Variants in HMGN1 observed in about 807,000 individuals in gnomAD.
HMGN1 encodes high mobility group nucleosome binding domain 1, also known as non-histone chromosomal protein HMG-14.
A neutral mutation model predicts 18.4 loss-of-function variants in HMGN1; 9 were observed. That is an observed-to-expected ratio of 0.49 (90% CI 0.29 to 0.85). The LOEUF (loss-of-function observed/expected upper bound fraction) is 0.85. Among genes scored for constraint, HMGN1 ranks in the 40% least tolerant of loss-of-function variants. The pLI, the probability that HMGN1 is intolerant of heterozygous loss-of-function variation, is 0.07. For synonymous variants in HMGN1, 59 were observed against 45.0 expected, an observed-to-expected ratio of 1.31 and a Z score of -1.24; for missense variants, 151 against 119.2, an observed-to-expected ratio of 1.27 and a Z score of -1.24.
chr21:39,342,879 T>C lies in HMGN1; in HGVS notation c.*233A>G, dbSNP rs1158185202. Reference sequence around the variant, plus strand: ...ACAGTCAGAGCCTCCCATAATTCAATATCCCACACTATTTTCTGGTTGTAC... The same window carrying C: ...ACAGTCAGAGCCTCCCATAATTCAACATCCCACACTATTTTCTGGTTGTAC... On this transcript the variant is annotated 3_prime_UTR_variant, in exon 6 of 6. Transcript: ENST00000380749. 2 of 1,408,206 alleles carry C rather than the reference T, an allele frequency of 1.4e-6. No homozygotes were observed. Among genetic ancestry groups the C allele is most frequent in the Non-Finnish European group, 1.9e-6 (2 of 1,045,964 alleles). The allele number at this position is 1,408,206 out of a possible 1,614,324, so 87.2% of individuals were successfully genotyped here. A position where few individuals can be genotyped will look rare whatever the true frequency, so the allele number is the denominator to read the frequency against.
rs1351368913 is a variant in HMGN1 at position 39,348,051 on chromosome 21, T to C, written c.126+241A>G. The C allele has an allele frequency of 6.8e-6, 7 of 1,032,116 alleles. 1 individual carries two copies. Among genetic ancestry groups the C allele is most frequent in the African/African-American group, 3.3e-5 (2 of 60,424 alleles). The allele number at this position is 1,032,116 out of a possible 1,614,324, so 63.9% of individuals were successfully genotyped here. A position where few individuals can be genotyped will look rare whatever the true frequency, so the allele number is the denominator to read the frequency against. ...GAATAAATTTCCTTTGTAGACTTAA[T>C]ATTTAATATTTTTTGTCGTCCTAAG... On this transcript the variant is annotated intron_variant, in intron 4 of 5. Coordinates refer to ENST00000380749, the MANE Select transcript of HMGN1 (RefSeq NM_004965.7).
At chr21:39,346,016 T>C in intron 4 of HMGN1, 1 of 1,106,538 alleles carries the variant, frequency 9.0e-7, no homozygotes, top group Non-Finnish European at 1.2e-6. Flanking sequence ...GTTCAAAATT[T>C]AAGCCATGTT....
Position 39,348,582 on chromosome 21 carries a change from G to A in HMGN1, c.16-5C>T. On this transcript the variant is annotated splice_region_variant and splice_polypyrimidine_tract_variant and intron_variant, in intron 1 of 5. Transcript: ENST00000380749. ...GGCGCCTTCGGCGGAGCTGACCTGC[G>A]GAGACGGAGACGCACGAATAGAGGC... 1 of 1,597,640 alleles carries A rather than the reference G, an allele frequency of 6.3e-7. No homozygotes were observed. The highest frequency in any genetic ancestry group is 8.5e-7 in the Non-Finnish European group (1 of 1,173,118).
rs764024776 is a variant in HMGN1, at chr21:39,342,962, A to G, written c.*150T>C. ...TCTTAAAAAAAAGCATTTACACTTA[A>G]AAAATGGGATGAGGTGGGATTCCCT... On this transcript the variant is annotated 3_prime_UTR_variant, in exon 6 of 6. Coordinates refer to ENST00000380749, the MANE Select transcript of HMGN1 (RefSeq NM_004965.7). The G allele has an allele frequency of 1.4e-5, 18 of 1,270,988 alleles. No homozygotes were observed. The East Asian group carries it at 4.1e-4, about 29-fold the overall frequency. The allele number at this position is 1,270,988 out of a possible 1,614,324, so 78.7% of individuals were successfully genotyped here.
At chr21:39,347,397 A>T in intron 4 of HMGN1, 1 of 1,227,788 alleles carries the variant, frequency 8.1e-7, no homozygotes, top group Non-Finnish European at 1.1e-6. Context: ...AACAAGGACA[A>T]ATTTAGTAAT....
intron 4 of HMGN1, chr21:39,345,601 T>C: frequency 2.5e-6 from 1 of 403,548 alleles, no homozygotes; most frequent in Non-Finnish European, 4.7e-6. Context: ...TTAATAGTAC[T>C]TGCATGTCAA....
chr21:39,345,104 A>C (rs751834592), intron 5 of HMGN1, 42 bp downstream of exon 5: 16 of 645,310 alleles, frequency 2.5e-5, no homozygotes, highest in Admixed American at 1.4e-4. Flanking sequence ...TCAGAGTCAA[A>C]GCAATCACAC....
Position 39,348,410 on chromosome 21 carries a change from CG to C in HMGN1, c.78+11del. The stretch of plus-strand genomic sequence containing the variant: ...GCGGAAAACGAACGGTTACGGGGCT[CG>C]CTTTACTTACAGCTGACAACCGCGC... On this transcript the variant is annotated intron_variant, in intron 3 of 5. Coordinates refer to ENST00000380749, the MANE Select transcript of HMGN1 (RefSeq NM_004965.7). The C allele has an allele frequency of 6.2e-7, 1 of 1,614,174 alleles. No individual in the cohort carries two copies. The highest frequency in any genetic ancestry group is 8.5e-7 in the Non-Finnish European group (1 of 1,180,044).
rs1160496465 is a variant in HMGN1 at position 39,342,934 on chromosome 21, A to T, written c.*178T>A. 1 of 1,249,354 alleles carries T rather than the reference A, an allele frequency of 8.0e-7. No individual in the cohort carries two copies. The highest frequency in any genetic ancestry group is 1.1e-6 in the Non-Finnish European group (1 of 892,408). The allele number at this position is 1,249,354 out of a possible 1,614,324, so 77.4% of individuals were successfully genotyped here. On this transcript the variant is annotated 3_prime_UTR_variant, in exon 6 of 6. Transcript: ENST00000380749. ...AAATAAACAACCAGCAAATGATTTCACCTCTTAAAAAAAAGCATTTACACT... is the reference window on the plus strand; with the variant it reads ...AAATAAACAACCAGCAAATGATTTCTCCTCTTAAAAAAAAGCATTTACACT...
At chr21:39,343,478 A>G (rs2036935489) in intron 5 of HMGN1, among the ~76,000 whole-genome samples, 1 of 152,202 alleles carries the variant, frequency 6.6e-6, no homozygotes, top group South Asian at 2.1e-4. Flanking sequence ...ACTTAGTGCC[A>G]CATATTTTAC....
chr21:39,345,079 T>C, intron 5 of HMGN1, 67 bp downstream of exon 5: 1 of 1,395,778 alleles, frequency 7.2e-7, no homozygotes, highest in Non-Finnish European at 9.5e-7. Context: ...AAATGTACAA[T>C]TTAGTATCTA....
chr21:39,345,495 A>G (rs971565556), intron 4 of HMGN1: 1 of 577,714 alleles, frequency 1.7e-6, no homozygotes, highest in Non-Finnish European at 3.1e-6. Flanking sequence ...CAGCTGTCAT[A>G]TTAATGTCTA....
At chr21:39,346,426 C>CT in intron 4 of HMGN1, 1 of 140,880 alleles carries the variant, frequency 7.1e-6, no homozygotes, top group Non-Finnish European at 1.6e-5. Context: ...CTTTTGTAGT[C>CT]TGTTTCTAAA....
intron 4 of HMGN1, chr21:39,347,951 C>G: frequency 8.9e-7 from 1 of 1,129,872 alleles, no homozygotes; most frequent in Non-Finnish European, 1.1e-6. Context: ...GCTATCTTGA[C>G]TCTTTTATTG....
rs1367560238 is a variant in HMGN1 at position 39,348,972 on chromosome 21, T to A, written c.-55A>T. The stretch of plus-strand genomic sequence containing the variant: ...GCCTGCGGGGAAGGCGCGTGCCGGG[T>A]GCCTGCGGGCCGCGGCGCGCCGACA... On this transcript the variant is annotated 5_prime_UTR_variant, in exon 1 of 6. Coordinates refer to ENST00000380749, the MANE Select transcript of HMGN1 (RefSeq NM_004965.7). 8 of 1,201,958 alleles carry A rather than the reference T, an allele frequency of 6.7e-6. No homozygotes were observed. The highest frequency in any genetic ancestry group is 6.4e-5 in the African/African-American group (4 of 62,576). The allele number at this position is 1,201,958 out of a possible 1,614,324, so 74.5% of individuals were successfully genotyped here. A position where few individuals can be genotyped will look rare whatever the true frequency, so the allele number is the denominator to read the frequency against.
At position 39,343,158 on chromosome 21, in the gene HMGN1, C is replaced by T. The variant is rs2036922467; in HGVS notation, c.257G>A (p.Ser86Asn). The T allele has an allele frequency of 1.9e-6, 3 of 1,599,120 alleles. No individual in the cohort carries two copies. The highest frequency in any genetic ancestry group is 1.3e-5 in the African/African-American group (1 of 74,328). ...CTCTCCTGCTTCATCAGAGGCTGGA[C>T]TCTGCAAAAGAAAGGAAATTGAGAT... ...AENGETKTEESPASDEAGEKE... is the reference protein window; with the variant it reads ...AENGETKTEENPASDEAGEKE... The change falls in exon 6 of 6, where the codon AGT (serine) becomes AAT (asparagine). Residue 86 changes from serine (S) to asparagine (N), a missense_variant and splice_region_variant. Ser to Asn is a conservative substitution (Grantham distance 46). Transcript: ENST00000380749.
chr21:39,346,448 A>G (rs2037057128), intron 4 of HMGN1: 1 of 154,294 alleles, frequency 6.5e-6, no homozygotes, highest in Non-Finnish European at 1.4e-5. Flanking sequence ...ATTTCTCATT[A>G]ATTTCATAAT....
At chr21:39,347,240 C>T (rs577209161) in intron 4 of HMGN1, 115 of 651,702 alleles carry the variant, frequency 1.8e-4, no homozygotes, top group Admixed American at 4.3e-4. Context: ...AAATACTATT[C>T]TCATACCTTC....
intron 4 of HMGN1, chr21:39,347,891 G>C: frequency 3.0e-6 from 2 of 663,972 alleles, no homozygotes; most frequent in Non-Finnish European, 1.8e-6. Context: ...AAGTTGGCTT[G>C]GAAACTGTAT....
Sources: gnomAD v4.1 joint callset for allele counts (sites outside exome capture counted in the v4.1 genomes callset) on GRCh38, gnomAD v4.1.1 for gene constraint, MANE v1.5 for transcripts, NCBI Gene and HGNC (gene_info 2026-07-23, HGNC 2026-07-21) for gene names.